Variants in DLG2 observed in about 807,000 individuals in gnomAD.
The protein encoded by DLG2 is discs large MAGUK scaffold protein 2, also known as disks large homolog 2.
Under a neutral mutation model 132.5 loss-of-function variants are expected in DLG2, and 45 were observed. That is an observed-to-expected ratio of 0.34 (90% CI 0.27 to 0.44). DLG2 has a LOEUF of 0.44. DLG2 is among the 20% of genes least tolerant of loss of function. The pLI is 1.00. For synonymous variants in DLG2, 424 were observed against 419.6 expected, an observed-to-expected ratio of 1.01 and a Z score of -0.13; for missense variants, 1,045 against 1,196.9, an observed-to-expected ratio of 0.87 and a Z score of 1.87.
intron 22 of DLG2, among the ~76,000 whole-genome samples, chr11:83,481,309 C>T (rs975051706): frequency 6.6e-6 from 1 of 151,990 alleles, no homozygotes; most frequent in Non-Finnish European, 1.5e-5. Flanking sequence ...TTCGCTCATC[C>T]ATACTGCTTG....
chr11:83,475,341 G>A (rs1378793919), intron 22 of DLG2, among the ~76,000 whole-genome samples: 1 of 152,118 alleles, frequency 6.6e-6, no homozygotes, highest in African/African-American at 2.4e-5. Context: ...GCCTTGAGGG[G>A]CTTTCATACC....
At chr11:85,369,691 T>G (rs1037552984) in intron 3 of DLG2, among the ~76,000 whole-genome samples, 1 of 152,156 alleles carries the variant, frequency 6.6e-6, no homozygotes, top group African/African-American at 2.4e-5. Flanking sequence ...AGGCTTTGTT[T>G]AGCAACCCTG....
chr11:85,495,613 T>C (rs1597918212), intron 3 of DLG2, among the ~76,000 whole-genome samples: 1 of 152,120 alleles, frequency 6.6e-6, no homozygotes, highest in African/African-American at 2.4e-5. Context: ...ATGGTGATCA[T>C]TAAAAACTCA....
At chr11:83,877,295 T>C (rs2065013658) in intron 15 of DLG2, among the ~76,000 whole-genome samples, 1 of 152,152 alleles carries the variant, frequency 6.6e-6, no homozygotes, top group Admixed American at 6.6e-5. Context: ...CGTATACTTA[T>C]TGGCTAATTG....
chr11:84,175,491 G>A (rs148978949), intron 8 of DLG2, among the ~76,000 whole-genome samples: 1 of 152,080 alleles, frequency 6.6e-6, no homozygotes, highest in East Asian at 1.9e-4. Context: ...GTTTCCAAAG[G>A]CGTGAACTGC....
At chr11:83,911,504 C>T (rs2076045264) in intron 15 of DLG2, among the ~76,000 whole-genome samples, 1 of 150,766 alleles carries the variant, frequency 6.6e-6, no homozygotes, top group South Asian at 2.1e-4. Context: ...TGGGATTTTT[C>T]CTTTGCAGTT....
chr11:85,179,370 T>C lies in DLG2; in HGVS notation c.187-24719A>G, dbSNP rs969682315. On this transcript the variant is annotated intron_variant, in intron 4 of 27. Coordinates refer to ENST00000376104, the MANE Select transcript of DLG2 (RefSeq NM_001142699.3). ...TCAGAGGAATATCTAAGTACAAAGA[T>C]AAATAGTGAGCAAATAAATAAATAA... Among the ~76,000 whole-genome samples the C allele has an allele frequency of 2.3e-4, 35 of 151,866 alleles. 1 individual carries two copies. The highest frequency in any genetic ancestry group is 7.4e-5 in the Non-Finnish European group (5 of 67,812).
chr11:83,486,743 G>T (rs2093538389), intron 21 of DLG2, among the ~76,000 whole-genome samples: 1 of 151,978 alleles, frequency 6.6e-6, no homozygotes, highest in South Asian at 2.1e-4. Flanking sequence ...TTTCAGATTG[G>T]AATTAAAGAG....
intron 6 of DLG2, among the ~76,000 whole-genome samples, chr11:84,808,852 T>A (rs756198068): frequency 2.6e-5 from 4 of 152,088 alleles, no homozygotes; most frequent in East Asian, 3.9e-4. Context: ...TAGGCTCAGA[T>A]GATTTTACTG....
At chr11:83,695,363 G>GA (rs2081708674) in intron 18 of DLG2, among the ~76,000 whole-genome samples, 1 of 152,188 alleles carries the variant, frequency 6.6e-6, no homozygotes, top group African/African-American at 2.4e-5. Flanking sequence ...TAAGATAGAA[G>GA]AAAATATATG....
intron 7 of DLG2, among the ~76,000 whole-genome samples, chr11:84,280,963 C>T (rs922600361): frequency 1.4e-5 from 2 of 144,132 alleles, no homozygotes; most frequent in Non-Finnish European, 3.0e-5. Flanking sequence ...CCTCGTGATC[C>T]GCCCGCCTCG....
At chr11:84,769,383 G>A (rs1292790881) in intron 6 of DLG2, among the ~76,000 whole-genome samples, 2 of 152,030 alleles carry the variant, frequency 1.3e-5, no homozygotes, top group East Asian at 3.9e-4. Context: ...TCAGAAGAAA[G>A]AATTTCAGGG....
chr11:84,494,801 T>C (rs1403275185), intron 7 of DLG2, among the ~76,000 whole-genome samples: 1 of 152,094 alleles, frequency 6.6e-6, no homozygotes, highest in Non-Finnish European at 1.5e-5. Flanking sequence ...TCCCTGAAAA[T>C]ACCTGGGAGC....
chr11:84,310,488 C>T (rs760078085), intron 7 of DLG2, among the ~76,000 whole-genome samples: 80 of 152,146 alleles, frequency 5.3e-4, no homozygotes, highest in Non-Finnish European at 1.0e-3. Flanking sequence ...TTTTCTTTCC[C>T]ATTCTGTGTG....
At chr11:83,958,240 A>G (rs2087445111) in intron 14 of DLG2, among the ~76,000 whole-genome samples, 1 of 152,224 alleles carries the variant, frequency 6.6e-6, no homozygotes, top group Admixed American at 6.5e-5. Context: ...TTCGGAGACA[A>G]TAGAGTAGAT....
intron 8 of DLG2, among the ~76,000 whole-genome samples, chr11:84,213,175 C>T (rs895321037): frequency 1.3e-5 from 2 of 152,152 alleles, no homozygotes; most frequent in African/African-American, 4.8e-5. Context: ...TCTTCCATTG[C>T]CACCCCAACT....
chr11:84,566,252 C>T (rs1490641194), intron 6 of DLG2, among the ~76,000 whole-genome samples: 2 of 152,014 alleles, frequency 1.3e-5, no homozygotes, highest in Admixed American at 1.3e-4. Flanking sequence ...CATGAGACAC[C>T]GTGTCTGGTC....
At chr11:84,701,565 A>T (rs1342485803) in intron 6 of DLG2, among the ~76,000 whole-genome samples, 1 of 151,536 alleles carries the variant, frequency 6.6e-6, no homozygotes, top group African/African-American at 2.4e-5. Flanking sequence ...ACTCTCTCAG[A>T]CTTCCAAAAT....
At chr11:84,362,871 G>T (rs1158338160) in intron 7 of DLG2, among the ~76,000 whole-genome samples, 2 of 152,072 alleles carry the variant, frequency 1.3e-5, no homozygotes, top group Non-Finnish European at 2.9e-5. Flanking sequence ...AGTATTCCAT[G>T]GTGTATATGT....
Sources: allele counts gnomAD v4.1 joint callset (sites outside exome capture counted in the v4.1 genomes callset), GRCh38; gene constraint gnomAD v4.1.1; transcripts MANE v1.5; gene names NCBI Gene and HGNC (gene_info 2026-07-23, HGNC 2026-07-21).